Variants in XKR9 observed in about 807,000 individuals in gnomAD.
XKR9 encodes the protein XK related 9, also known as XK-related protein 9.
XKR9 carries 32 observed loss-of-function variants against 32.0 expected under a neutral mutation model. The observed-to-expected ratio is 1.00, with a 90% CI of 0.76 to 1.34. The LOEUF is 1.34. Among genes scored for constraint, XKR9 ranks in the 40% most tolerant of loss-of-function variants. XKR9 has a pLI of 0.00. For missense variants in XKR9, 546 were observed against 429.7 expected (o/e 1.27, Z -2.39); for synonymous variants, 168 against 143.4 (o/e 1.17, Z -1.22).
At chr8:70,686,840 T>C (rs1015882277) in intron 3 of XKR9, among the ~76,000 whole-genome samples, 2 of 152,146 alleles carry the variant, frequency 1.3e-5, no homozygotes, top group Non-Finnish European at 1.5e-5. Flanking sequence ...GGGTACATAA[T>C]AGGTGTATAT....
At chr8:71,020,684 T>C in the XKR9 span, among the ~76,000 whole-genome samples, 1 of 152,224 alleles carries the variant, frequency 6.6e-6, no homozygotes, top group Non-Finnish European at 1.5e-5. Flanking sequence ...TATTTTGTTA[T>C]ATAATTGGAA....
At chr8:71,054,861 C>T in the XKR9 span, among the ~76,000 whole-genome samples, 2 of 152,110 alleles carry the variant, frequency 1.3e-5, no homozygotes, top group African/African-American at 4.8e-5. Context: ...ATTTAGTTTA[C>T]CAAGAAACTG....
At chr8:70,722,475 C>G (rs1586856954) in intron 4 of XKR9, among the ~76,000 whole-genome samples, 1 of 152,084 alleles carries the variant, frequency 6.6e-6, no homozygotes, top group East Asian at 1.9e-4. Flanking sequence ...TTCAGGAGCT[C>G]TTGTAAGGTA....
the XKR9 span, among the ~76,000 whole-genome samples, chr8:70,881,302 C>A: frequency 6.6e-6 from 1 of 151,960 alleles, no homozygotes; most frequent in South Asian, 2.1e-4. Context: ...TTCTGCACAG[C>A]AAAAGAAACT....
chr8:70,744,403 A>AT (rs1317532715), intron 2 of XKR9, among the ~76,000 whole-genome samples: 4 of 152,158 alleles, frequency 2.6e-5, no homozygotes, highest in Non-Finnish European at 2.9e-5. Context: ...TATGACCCTG[A>AT]TAAAAACTGC....
intron 3 of XKR9, among the ~76,000 whole-genome samples, chr8:70,697,362 ATACC>A (rs1805320929): frequency 1.3e-5 from 2 of 150,820 alleles, no homozygotes; most frequent in African/African-American, 2.4e-5. Context: ...TGTCCCATCA[ATACC>A]TAATTTATTG....
rs140835153 is a variant in XKR9, at chr8:70,693,588, A to G, written c.272+12258A>G. Among the ~76,000 whole-genome samples, 35 of 152,284 alleles carry G rather than the reference A, an allele frequency of 2.3e-4. No homozygotes were observed. The East Asian group carries it at 6.0e-3, about 26-fold the overall frequency. The stretch of plus-strand genomic sequence containing the variant: ...CTCCAGGTTAGAGGCAGCAGAGGAA[A>G]AGATCATAGTAGTGGTTGTGGCCAA... On this transcript the variant is annotated intron_variant, in intron 3 of 4. Transcript: ENST00000408926.
chr8:70,989,818 T>C, the XKR9 span, among the ~76,000 whole-genome samples: 1 of 152,220 alleles, frequency 6.6e-6, no homozygotes, highest in Non-Finnish European at 1.5e-5. Context: ...AAACTCTGTA[T>C]CCATTAAGCA....
At chr8:71,011,814 T>A in the XKR9 span, among the ~76,000 whole-genome samples, 1 of 152,174 alleles carries the variant, frequency 6.6e-6, no homozygotes, top group African/African-American at 2.4e-5. Context: ...GATGAAAACA[T>A]CCGGTATTAA....
intron 3 of XKR9, among the ~76,000 whole-genome samples, chr8:70,705,920 C>T (rs1805703325): frequency 2.0e-5 from 3 of 152,198 alleles, no homozygotes; most frequent in South Asian, 4.1e-4. Flanking sequence ...TGTTTAGATT[C>T]TGGATATATT....
intron 4 of XKR9, among the ~76,000 whole-genome samples, chr8:70,726,405 C>G (rs892864706): frequency 3.9e-5 from 6 of 152,192 alleles, no homozygotes; most frequent in African/African-American, 7.2e-5. Flanking sequence ...CACTGTAGAC[C>G]TCTTACTTGG....
chr8:70,815,712 A>G, the XKR9 span, among the ~76,000 whole-genome samples: 1 of 151,742 alleles, frequency 6.6e-6, no homozygotes, highest in Non-Finnish European at 1.5e-5. Context: ...TTTTTAGTAG[A>G]GACGGGATTT....
At chr8:70,952,885 G>A in the XKR9 span, among the ~76,000 whole-genome samples, 1 of 152,190 alleles carries the variant, frequency 6.6e-6, no homozygotes, top group African/African-American at 2.4e-5. Flanking sequence ...TACAGAAATT[G>A]AGAACAAGCA....
the XKR9 span, among the ~76,000 whole-genome samples, chr8:70,972,504 G>C: frequency 6.6e-6 from 1 of 152,082 alleles, no homozygotes; most frequent in Non-Finnish European, 1.5e-5. Flanking sequence ...GTACTATGTT[G>C]AATAGAAGTG....
chr8:70,733,928 A>T lies in XKR9; in HGVS notation c.626A>T (p.Lys209Met). 1 of 1,612,826 alleles carries T rather than the reference A, an allele frequency of 6.2e-7. No individual in the cohort carries two copies. Among genetic ancestry groups the T allele is most frequent in the Non-Finnish European group, 8.5e-7 (1 of 1,179,658 alleles). The part of the protein sequence containing the change: ...LCPKITYLFY[K>M]LFTLLSWMLS... The stretch of plus-strand genomic sequence containing the variant: ...CCCAAAATCACATATCTCTTTTACA[A>T]GTTGTTTACATTATTATCGTGGATG... Residue 209 changes from lysine to methionine, a missense_variant, in exon 5 of 5, where the codon AAG becomes ATG. Coordinates refer to ENST00000408926, the MANE Select transcript of XKR9 (RefSeq NM_001011720.2).
the XKR9 span, among the ~76,000 whole-genome samples, chr8:70,996,043 A>C: frequency 6.6e-6 from 1 of 152,120 alleles, no homozygotes; most frequent in Admixed American, 6.6e-5. Flanking sequence ...TGTGTAGGGG[A>C]AAAAAACAAA....
At chr8:70,778,944 C>T (rs201801376) in intron 2 of XKR9, among the ~76,000 whole-genome samples, 61,218 of 151,454 alleles carry the variant, frequency 0.4, 13,789 homozygotes, top group Non-Finnish European at 0.52. Flanking sequence ...CTTTATTTCT[C>T]TTTCTTGTCT....
the XKR9 span, among the ~76,000 whole-genome samples, chr8:70,817,857 T>C: frequency 1.3e-5 from 2 of 152,002 alleles, no homozygotes; most frequent in Non-Finnish European, 1.5e-5. Context: ...AAATAAGCAA[T>C]AGGGAAAACA....
At chr8:70,948,674 G>T in the XKR9 span, among the ~76,000 whole-genome samples, 1 of 152,156 alleles carries the variant, frequency 6.6e-6, no homozygotes, top group Non-Finnish European at 1.5e-5. Context: ...TTATTCTCCT[G>T]GAAGGAATGC....
Sources: allele counts gnomAD v4.1 joint callset (sites outside exome capture counted in the v4.1 genomes callset), GRCh38; gene constraint gnomAD v4.1.1; transcripts MANE v1.5; gene names NCBI Gene and HGNC (gene_info 2026-07-23, HGNC 2026-07-21).